UNC80: variants seen among roughly 807,000 people sequenced by gnomAD.
UNC80 encodes the protein unc-80 subunit of NALCN channel complex.
In UNC80, 164 loss-of-function variants were observed where a neutral mutation model predicts 384.6. That is an observed-to-expected ratio of 0.43 (90% CI 0.38 to 0.49). UNC80 has a LOEUF of 0.49. UNC80 is among the 20% of genes least tolerant of loss of function. The pLI is 0.00. For missense variants in UNC80, 3,330 were observed against 4,143.0 expected (o/e 0.80, Z 5.39); for synonymous variants, 1,486 against 1,527.8 (o/e 0.97, Z 0.64).
intron 25 of UNC80, 97 bp downstream of exon 25, chr2:209,881,191 G>A (rs141705179): frequency 0.014 from 19,111 of 1,353,578 alleles, 234 homozygotes; most frequent in Admixed American, 0.052. Context: ...ATGTTCCATG[G>A]CTAGTGTATC....
At chr2:209,815,474 A>T (rs2079666255) in intron 9 of UNC80, 83 bp downstream of exon 9, 8 of 1,430,332 alleles carry the variant, frequency 5.6e-6, no homozygotes, top group Middle Eastern at 1.9e-4. Flanking sequence ...ATGATACTGC[A>T]GTATGGGGTG....
intron 61 of UNC80, among the ~76,000 whole-genome samples, chr2:209,991,109 T>C (rs973438065): frequency 2.6e-5 from 4 of 152,214 alleles, no homozygotes; most frequent in African/African-American, 4.8e-5. Flanking sequence ...ATTTAAAAAA[T>C]GGAAATGAAC....
chr2:209,936,426 A>G (rs1210890228), intron 40 of UNC80, among the ~76,000 whole-genome samples: 1 of 152,198 alleles, frequency 6.6e-6, no homozygotes, highest in Non-Finnish European at 1.5e-5. Flanking sequence ...ATTATTCTTA[A>G]GTGTTTCTCA....
At chr2:209,791,611 G>A (rs1057173787) in intron 6 of UNC80, among the ~76,000 whole-genome samples, 8 of 151,830 alleles carry the variant, frequency 5.3e-5, no homozygotes, top group African/African-American at 1.9e-4. Flanking sequence ...ACAAGGTCAG[G>A]AGATCAAGAC....
chr2:209,807,028 G>T (rs891710178), intron 7 of UNC80, among the ~76,000 whole-genome samples: 3 of 152,056 alleles, frequency 2.0e-5, no homozygotes, highest in African/African-American at 7.2e-5. Context: ...ATTCTTGCCA[G>T]TTTTGAAATT....
At chr2:209,888,949 A>C (rs1331194550) in intron 26 of UNC80, among the ~76,000 whole-genome samples, 1 of 152,192 alleles carries the variant, frequency 6.6e-6, no homozygotes, top group East Asian at 1.9e-4. Flanking sequence ...TGGTAAATAG[A>C]ATCTCGTTTT....
chr2:209,808,803 C>T, intron 7 of UNC80: 1 of 25,472 alleles, frequency 3.9e-5, no homozygotes, highest in Non-Finnish European at 6.3e-5. Flanking sequence ...CCTCTGCCAC[C>T]ATGCCGCGCT....
At chr2:209,887,239 A>T (rs911234725) in intron 25 of UNC80, among the ~76,000 whole-genome samples, 8 of 151,442 alleles carry the variant, frequency 5.3e-5, no homozygotes, top group Non-Finnish European at 1.0e-4. Context: ...TTTTTTCTCG[A>T]TGTTGGTCAG....
rs548957645 is a variant in UNC80, at chr2:209,940,268, G to A, written c.6646+616G>A. On this transcript the variant is annotated intron_variant, in intron 43 of 64. Coordinates refer to ENST00000673920, the MANE Select transcript of UNC80 (RefSeq NM_001371986.1). ...GGATTTGGAGGGAATGAATTTCCTG[G>A]AAAGGGGCAGAAGGGTGATGAAAAT... 2.6e-5 allele frequency among the ~76,000 whole-genome samples: 4 copies of A among 152,268 alleles called. No individual in the cohort carries two copies. The South Asian group carries it at 8.3e-4, about 32-fold the overall frequency.
chr2:209,799,460 G>A (rs2078394111), intron 7 of UNC80, among the ~76,000 whole-genome samples: 1 of 152,166 alleles, frequency 6.6e-6, no homozygotes, highest in Admixed American at 6.6e-5. Context: ...AGCAGTTCAA[G>A]AAGTTTTTGG....
chr2:209,901,551 CT>C (rs1232199825), intron 28 of UNC80, among the ~76,000 whole-genome samples: 1 of 152,156 alleles, frequency 6.6e-6, no homozygotes, highest in African/African-American at 2.4e-5. Flanking sequence ...ATTAATGTTG[CT>C]TTCATGCCTG....
At chr2:209,953,997 A>G in intron 47 of UNC80, 103 bp from the exon 48 acceptor site, 1 of 1,304,486 alleles carries the variant, frequency 7.7e-7, no homozygotes, top group Non-Finnish European at 1.0e-6. Context: ...CTTAGAATTC[A>G]TATATCTCTA....
chr2:209,903,357 G>A (rs1486110079), intron 28 of UNC80, among the ~76,000 whole-genome samples: 1 of 125,874 alleles, frequency 7.9e-6, no homozygotes, highest in Non-Finnish European at 1.6e-5. Flanking sequence ...TGTGTGGACA[G>A]TGTGGACTCC....
At position 209,866,539 on chromosome 2, in the gene UNC80, G is replaced by C. The variant is rs1019046087; in HGVS notation, c.3628-6219G>C. Among the ~76,000 whole-genome samples the C allele has an allele frequency of 4.6e-3, 533 of 115,462 alleles. 2 individuals carry two copies. The highest frequency in any genetic ancestry group is 0.01 in the African/African-American group (253 of 24,196). The allele number at this position is 115,462 out of a possible 152,430, so 75.7% of individuals were successfully genotyped here. ...ACACACACACACACACACACAGAGA[G>C]AGAGAGAGAGAGAGAGAGAGAGAGA... On this transcript the variant is annotated intron_variant, in intron 22 of 64. Coordinates refer to ENST00000673920, the MANE Select transcript of UNC80 (RefSeq NM_001371986.1).
intron 51 of UNC80, among the ~76,000 whole-genome samples, chr2:209,964,655 G>A (rs1320754932): frequency 6.6e-6 from 1 of 151,970 alleles, no homozygotes; most frequent in African/African-American, 2.4e-5. Flanking sequence ...GGGCGTGGTG[G>A]CATGCGCCTG....
chr2:209,922,238 A>G lies in UNC80; in HGVS notation c.5531-14A>G. The G allele has an allele frequency of 6.4e-7, 1 of 1,551,894 alleles. No individual in the cohort carries two copies. The highest frequency in any genetic ancestry group is 2.4e-5 in the East Asian group (1 of 40,902). On this transcript the variant is annotated splice_polypyrimidine_tract_variant and intron_variant, in intron 34 of 64. Transcript: ENST00000673920. ...TATAAAGCCAAAGTTCACATTCCCC[A>G]TTTTGTTTGCCAGTAGAAGAAGTCA...
At chr2:209,837,774 T>C (rs1415130353) in intron 18 of UNC80, among the ~76,000 whole-genome samples, 2 of 137,992 alleles carry the variant, frequency 1.4e-5, no homozygotes, top group Admixed American at 7.2e-5. Flanking sequence ...TACCTACATC[T>C]TTTTTTTTTT....
intron 38 of UNC80, among the ~76,000 whole-genome samples, chr2:209,931,392 C>CACAA (rs2090859275): frequency 6.6e-6 from 1 of 151,432 alleles, no homozygotes; most frequent in Admixed American, 6.6e-5. Flanking sequence ...CACACACACA[C>CACAA]ACACACACAC....
At chr2:209,787,337 T>A (rs909785988) in intron 5 of UNC80, among the ~76,000 whole-genome samples, 1 of 152,194 alleles carries the variant, frequency 6.6e-6, no homozygotes, top group African/African-American at 2.4e-5. Context: ...ACCTCCAGGA[T>A]AGCTTTATGT....
Sources: allele counts gnomAD v4.1 joint callset (sites outside exome capture counted in the v4.1 genomes callset), GRCh38; gene constraint gnomAD v4.1.1; transcripts MANE v1.5; gene names NCBI Gene and HGNC (gene_info 2026-07-23, HGNC 2026-07-21).